FGFR3: variants seen among roughly 807,000 people sequenced by gnomAD.
The protein encoded by FGFR3 is fibroblast growth factor receptor 3.
A neutral mutation model predicts 82.9 loss-of-function variants in FGFR3; 25 were observed. The ratio of observed to expected loss-of-function variants is 0.30; its 90% CI spans 0.22 to 0.42. The LOEUF is 0.42. FGFR3 is among the 10% of genes least tolerant of loss of function. FGFR3 has a pLI of 1.00. For synonymous variants in FGFR3, 620 were observed against 516.0 expected, an observed-to-expected ratio of 1.20 and a Z score of -2.73; for missense variants, 1,026 against 1,161.0, an observed-to-expected ratio of 0.88 and a Z score of 1.69.
Position 1,806,867 on chromosome 4 carries a change from C to A in FGFR3, c.2207C>A (p.Ser736Tyr), listed in dbSNP as rs148631462. Residue 736 changes from serine (S) to tyrosine (Y), a missense_variant, in exon 17 of 18, where the codon TCC (serine) becomes TAC (tyrosine). Around this residue, in one of 9 missense-constraint regions of FGFR3, gnomAD observed 155 missense variants for 150.2 expected, o/e 1.03. Coordinates refer to ENST00000440486, the MANE Select transcript of FGFR3 (RefSeq NM_000142.5). Reference sequence around the variant, plus strand: ...CGGGAGTGCTGGCATGCCGCGCCCTCCCAGAGGCCCACCTTCAAGCAGCTG... The same window carrying A: ...CGGGAGTGCTGGCATGCCGCGCCCTACCAGAGGCCCACCTTCAAGCAGCTG... ...IMRECWHAAP[S>Y]QRPTFKQLVE... The A allele has an allele frequency of 9.4e-5, 151 of 1,611,528 alleles. No individual in the cohort carries two copies. Among genetic ancestry groups the A allele is most frequent in the African/African-American group, 4.0e-5 (3 of 74,876 alleles).
chr4:1,803,886 G>C (rs1253087659), intron 8 of FGFR3, 50 bp downstream of exon 8: 1 of 1,585,380 alleles, frequency 6.3e-7, no homozygotes, highest in Non-Finnish European at 8.6e-7. Context: ...GGGGACGCTG[G>C]CTCGGGACAC....
In FGFR3 at chr4:1,807,214, C is replaced by A. The variant is rs576131994; in HGVS notation, c.2373C>A (p.His791Gln). 9.9e-6 allele frequency: 16 copies of A among 1,608,388 alleles called. No individual in the cohort carries two copies. The highest frequency in any genetic ancestry group is 1.4e-5 in the Non-Finnish European group (16 of 1,178,326). Reference sequence around the variant, plus strand: ...CAGGGGACGACTCCGTGTTTGCCCACGACCTGCTGCCCCCGGCCCCACCCA... The same window carrying A: ...CAGGGGACGACTCCGTGTTTGCCCAAGACCTGCTGCCCCCGGCCCCACCCA... ...SSSGDDSVFA[H>Q]DLLPPAPPSS... The change falls in exon 18 of 18, where the codon CAC becomes CAA. Residue 791 changes from histidine to glutamine, a missense_variant. Around this residue, in one of 9 missense-constraint regions of FGFR3, gnomAD observed 155 missense variants for 150.2 expected, o/e 1.03. Transcript: ENST00000440486.
At position 1,807,289 on chromosome 4, in the gene FGFR3, G is replaced by T. The variant is rs1261880089; in HGVS notation, c.*27G>T. ...GGGCCACTGGTCCCCAACAATGTGA[G>T]GGGTCCCTAGCAGCCCACCCTGCTG... On this transcript the variant is annotated 3_prime_UTR_variant, in exon 18 of 18. Transcript: ENST00000440486. 2 of 1,575,816 alleles carry T rather than the reference G, an allele frequency of 1.3e-6. No homozygotes were observed. Among genetic ancestry groups the T allele is most frequent in the Non-Finnish European group, 1.7e-6 (2 of 1,164,760 alleles).
Position 1,801,724 on chromosome 4 carries a change from G to A in FGFR3, c.720G>A (p.Thr240=), listed in dbSNP as rs369366713. 13 of 1,607,196 alleles carry A rather than the reference G, an allele frequency of 8.1e-6. No homozygotes were observed. The highest frequency in any genetic ancestry group is 6.7e-5 in the African/African-American group (5 of 74,822). The change falls in exon 6 of 18, where the codon ACG becomes ACA. Residue 240 remains threonine, a synonymous_variant. Transcript: ENST00000440486. ...ACAAGTTTGGCAGCATCCGGCAGAC[G>A]TACACGCTGGACGTGCTGGGTGAGG... ...VENKFGSIRQ[T]YTLDVLERSP...
chr4:1,800,064 T>A (rs1353814914), intron 4 of FGFR3, among the ~76,000 whole-genome samples: 6 of 151,994 alleles, frequency 3.9e-5, no homozygotes, highest in African/African-American at 7.3e-5. Context: ...CACAGGGCCC[T>A]GGGGGTTCCA....
chr4:1,799,968 G>T (rs1382316467), intron 4 of FGFR3, among the ~76,000 whole-genome samples, 156 bp downstream of exon 4: 2 of 152,160 alleles, frequency 1.3e-5, no homozygotes, highest in Non-Finnish European at 2.9e-5. Context: ...GGAGGGGCTG[G>T]GTCACTGACA....
chr4:1,793,895 G>A lies in FGFR3; in HGVS notation c.-40G>A, dbSNP rs1417878469. The stretch of plus-strand genomic sequence containing the variant: ...CCGGGCCGTGGGGGGCAGCATGCCC[G>A]CGCGCGCTGCCTGAGGACGCCGCGG... On this transcript the variant is annotated 5_prime_UTR_variant, in exon 2 of 18. Coordinates refer to ENST00000440486, the MANE Select transcript of FGFR3 (RefSeq NM_000142.5). The A allele has an allele frequency of 3.8e-5, 35 of 929,778 alleles. No homozygotes were observed. The highest frequency in any genetic ancestry group is 4.8e-5 in the East Asian group (1 of 20,706). 57.6% of individuals were successfully genotyped at this position (929,778 alleles called of 1,614,324 possible). A position where few individuals can be genotyped will look rare whatever the true frequency, so the allele number is the denominator to read the frequency against.
At chr4:1,802,087 C>A in intron 7 of FGFR3, 62 bp downstream of exon 7, 1 of 1,548,836 alleles carries the variant, frequency 6.5e-7, no homozygotes, top group Non-Finnish European at 8.8e-7. Context: ...CCAAGGGTGC[C>A]CCTTGGCTGC....
intron 2 of FGFR3, among the ~76,000 whole-genome samples, chr4:1,797,980 C>T (rs528651043): frequency 2.6e-5 from 4 of 152,290 alleles, no homozygotes; most frequent in East Asian, 3.9e-4. Context: ...GCGCAACCCG[C>T]CCAGCTGGGT....
At chr4:1,806,392 A>G (rs2108810031) in intron 15 of FGFR3, 65 bp downstream of exon 15, 1 of 1,605,860 alleles carries the variant, frequency 6.2e-7, no homozygotes, top group South Asian at 1.1e-5. Context: ...CCAGGACCCC[A>G]GCTGCAGTCC....
intron 2 of FGFR3, among the ~76,000 whole-genome samples, chr4:1,795,115 C>A (rs1019976005): frequency 6.6e-6 from 1 of 151,878 alleles, no homozygotes; most frequent in Non-Finnish European, 1.5e-5. Context: ...GGAACAATGT[C>A]ATTTTTTTTA....
Position 1,807,387 on chromosome 4 carries a change from G to T in FGFR3, c.*125G>T, listed in dbSNP as rs1200895583. The T allele has an allele frequency of 1.7e-6, 2 of 1,208,500 alleles. No individual in the cohort carries two copies. Among genetic ancestry groups the T allele is most frequent in the African/African-American group, 2.3e-5 (1 of 44,110 alleles). 74.9% of individuals were successfully genotyped at this position (1,208,500 alleles called of 1,614,324 possible). On this transcript the variant is annotated 3_prime_UTR_variant, in exon 18 of 18. Transcript: ENST00000440486. The stretch of plus-strand genomic sequence containing the variant: ...ACAGCTACACAGAGCTTTGGTCTGT[G>T]TGTGTGTGTGTGCGTGTGTGTGTGT...
At chr4:1,799,922 G>A in intron 4 of FGFR3, 110 bp downstream of exon 4, 1 of 1,254,864 alleles carries the variant, frequency 8.0e-7, no homozygotes, top group Non-Finnish European at 1.1e-6. Context: ...CAACCTCCCT[G>A]GGGTCACCCC....
chr4:1,799,924 G>C (rs1436707624), intron 4 of FGFR3, 112 bp downstream of exon 4: 2 of 1,236,900 alleles, frequency 1.6e-6, no homozygotes, highest in Non-Finnish European at 2.3e-6. Context: ...ACCTCCCTGG[G>C]GTCACCCCGA....
At chr4:1,800,950 A>C (rs1236669265) in intron 4 of FGFR3, among the ~76,000 whole-genome samples, 1 of 152,132 alleles carries the variant, frequency 6.6e-6, no homozygotes, top group Non-Finnish European at 1.5e-5. Flanking sequence ...GCTGCCTCCA[A>C]GGCTCCTGGC....
intron 8 of FGFR3, 46 bp from the exon 9 acceptor site, chr4:1,804,284 G>C: frequency 2.6e-6 from 4 of 1,537,616 alleles, no homozygotes; most frequent in Non-Finnish European, 3.5e-6. Context: ...TGGGAGCCCC[G>C]TGGGGGGGGG....
intron 7 of FGFR3, 82 bp from the exon 8 acceptor site, chr4:1,803,610 G>T (rs1318785752): frequency 1.3e-6 from 2 of 1,556,852 alleles, no homozygotes; most frequent in Non-Finnish European, 1.7e-6. Flanking sequence ...CCTTGCAGCG[G>T]CTGGATCCTG....
chr4:1,804,539 C>G lies in FGFR3; in HGVS notation c.1266+19C>G, dbSNP rs377222580. On this transcript the variant is annotated intron_variant, in intron 9 of 17. Transcript: ENST00000440486. Reference sequence around the variant, plus strand: ...GCGACAGGTAACAGAAAGTAGATACCAGGTTCTGAGCTGCCTGCCCGCCAG... The same window carrying G: ...GCGACAGGTAACAGAAAGTAGATACGAGGTTCTGAGCTGCCTGCCCGCCAG... The G allele has an allele frequency of 3.1e-6, 5 of 1,610,700 alleles. No individual in the cohort carries two copies. The African/African-American group carries it at 6.7e-5, about 22-fold the overall frequency.
At chr4:1,797,329 G>A (rs1429203293) in intron 2 of FGFR3, among the ~76,000 whole-genome samples, 1 of 152,178 alleles carries the variant, frequency 6.6e-6, no homozygotes, top group East Asian at 1.9e-4. Context: ...TTCACCTGGT[G>A]CTCGCCACCC....
Sources: gnomAD v4.1 joint callset for allele counts (sites outside exome capture counted in the v4.1 genomes callset) on GRCh38, gnomAD v4.1.1 for gene constraint, gnomAD v4.1.1 regional missense constraint, MANE v1.5 for transcripts, NCBI Gene and HGNC (gene_info 2026-07-23, HGNC 2026-07-21) for gene names.